FFAR4: variants seen among roughly 807,000 people sequenced by gnomAD.
FFAR4 encodes the protein free fatty acid receptor 4.
FFAR4 carries 19 observed loss-of-function variants against 27.0 expected under a neutral mutation model. The observed-to-expected ratio is 0.70, with a 90% confidence interval of 0.49 to 1.03. The LOEUF (loss-of-function observed/expected upper bound fraction) is 1.03, where lower values mean the gene tolerates loss of function less well. Among genes scored for constraint, FFAR4 ranks in the 50% least tolerant of loss-of-function variants. The pLI is 0.00. For missense variants in FFAR4, 476 were observed against 479.0 expected (o/e 0.99, Z 0.06); for synonymous variants, 254 against 215.6 (o/e 1.18, Z -1.56).
chr10:93,574,935 T>TTTC (rs1440796078), intron 1 of FFAR4, among the ~76,000 whole-genome samples: 1 of 152,152 alleles, frequency 6.6e-6, no homozygotes, highest in Non-Finnish European at 1.5e-5. Context: ...TTCTTTCCAG[T>TTTC]CACCAAAATG....
chr10:93,583,172 G>A (rs1212839015), intron 2 of FFAR4, among the ~76,000 whole-genome samples: 1 of 151,172 alleles, frequency 6.6e-6, no homozygotes, highest in Non-Finnish European at 1.5e-5. Flanking sequence ...GGAGGCCAAG[G>A]CGGGTGGATC....
intron 2 of FFAR4, among the ~76,000 whole-genome samples, chr10:93,584,397 G>C (rs1589679677): frequency 6.6e-6 from 1 of 152,240 alleles, no homozygotes; most frequent in Admixed American, 6.5e-5. Flanking sequence ...TATCAGTGGA[G>C]TGACCTTCAA....
chr10:93,576,060 T>G (rs1307926666), intron 1 of FFAR4, 31 bp from the exon 2 acceptor site: 1 of 1,612,086 alleles, frequency 6.2e-7, no homozygotes, highest in Admixed American at 1.7e-5. Flanking sequence ...AGCCAGCATT[T>G]ACATGATGTT....
At chr10:93,577,383 C>A (rs531232953) in intron 2 of FFAR4, among the ~76,000 whole-genome samples, 21 of 152,294 alleles carry the variant, frequency 1.4e-4, no homozygotes, top group African/African-American at 5.1e-4. Flanking sequence ...GGGTCTGTAA[C>A]CTTCTTAGAC....
intron 2 of FFAR4, among the ~76,000 whole-genome samples, chr10:93,582,887 A>G (rs1172280405): frequency 6.6e-6 from 1 of 152,118 alleles, no homozygotes; most frequent in Admixed American, 6.5e-5. Context: ...GTGGCAGGAG[A>G]GAGAAGAGAG....
intron 2 of FFAR4, 132 bp from the exon 3 acceptor site, chr10:93,587,088 G>GCA: frequency 1.4e-6 from 1 of 733,564 alleles, no homozygotes; most frequent in Non-Finnish European, 2.2e-6. Flanking sequence ...CTAAGCTCGG[G>GCA]CACACAAAGT....
chr10:93,570,788 G>A (rs891836791), intron 1 of FFAR4, among the ~76,000 whole-genome samples: 1 of 152,178 alleles, frequency 6.6e-6, no homozygotes, highest in African/African-American at 2.4e-5. Flanking sequence ...AGAAATGTGA[G>A]ACAACTTGGT....
At chr10:93,586,458 C>T (rs577652083) in intron 2 of FFAR4, among the ~76,000 whole-genome samples, 85 of 152,140 alleles carry the variant, frequency 5.6e-4, no homozygotes, top group South Asian at 2.3e-3. Context: ...AGCATGAGAA[C>T]GGAATAATAT....
At position 93,566,746 on chromosome 10, in the gene FFAR4, C is replaced by T; in HGVS notation, c.26C>T (p.Ala9Val). The change falls in exon 1 of 3, where the codon GCG (alanine) becomes GTG (valine). Residue 9 changes from alanine to valine, a missense_variant. Coordinates refer to ENST00000371481, the MANE Select transcript of FFAR4 (RefSeq NM_001195755.2). Reference protein sequence around the residue: MSPECARAAGDAPLRSLEQ... With the variant: MSPECARAVGDAPLRSLEQ... The stretch of plus-strand genomic sequence containing the variant: ...ATGTCCCCTGAATGCGCGCGGGCAG[C>T]GGGCGACGCGCCCTTGCGCAGCCTG... The T allele has an allele frequency of 6.2e-7, 1 of 1,601,042 alleles. No individual in the cohort carries two copies. The highest frequency in any genetic ancestry group is 8.5e-7 in the Non-Finnish European group (1 of 1,176,630).
chr10:93,583,750 A>G (rs1051338821), intron 2 of FFAR4, among the ~76,000 whole-genome samples: 1 of 152,230 alleles, frequency 6.6e-6, no homozygotes, highest in Non-Finnish European at 1.5e-5. Flanking sequence ...CCTCATCTGT[A>G]AAATGGGGAT....
chr10:93,570,188 TCACACACACA>T (rs76165485), intron 1 of FFAR4, among the ~76,000 whole-genome samples: 3 of 148,768 alleles, frequency 2.0e-5, no homozygotes, highest in Non-Finnish European at 3.0e-5. Flanking sequence ...TCTGTCTCTC[TCACACACACA>T]CACACACACA....
chr10:93,567,018 T>C lies in FFAR4; in HGVS notation c.298T>C (p.Trp100Arg). ...TATCCCTCTGGTGCTGGCCGTGCGC[T>C]GGACTGAGGCCTGGCTGCTGGGCCC... The part of the protein sequence containing the change: ...SAIPLVLAVR[W>R]TEAWLLGPVA... Residue 100 changes from tryptophan to arginine, a missense_variant, in exon 1 of 3, where the codon TGG becomes CGG. Physicochemically the swap from Trp to Arg is moderately radical, Grantham distance 101. Transcript: ENST00000371481. 6.2e-7 allele frequency: 1 copy of C among 1,611,886 alleles called. No individual in the cohort carries two copies. The highest frequency in any genetic ancestry group is 8.5e-7 in the Non-Finnish European group (1 of 1,179,860).
At position 93,567,008 on chromosome 10, in the gene FFAR4, G is replaced by C; in HGVS notation, c.288G>C (p.Leu96=). 1 of 1,611,946 alleles carries C rather than the reference G, an allele frequency of 6.2e-7. No homozygotes were observed. Among genetic ancestry groups the C allele is most frequent in the Non-Finnish European group, 8.5e-7 (1 of 1,179,872 alleles). Residue 96 remains leucine, a synonymous_variant, in exon 1 of 3, where the codon CTG becomes CTC. Coordinates refer to ENST00000371481, the MANE Select transcript of FFAR4 (RefSeq NM_001195755.2). The part of the protein sequence containing the change: ...LLFISAIPLV[L]AVRWTEAWLL... ...TCATCAGCGCTATCCCTCTGGTGCT[G>C]GCCGTGCGCTGGACTGAGGCCTGGC...
At position 93,587,445 on chromosome 10, in the gene FFAR4, G is replaced by A. The variant is rs2058235572; in HGVS notation, c.922G>A (p.Ala308Thr). The A allele has an allele frequency of 6.2e-7, 1 of 1,614,022 alleles. No individual in the cohort carries two copies. Among genetic ancestry groups the A allele is most frequent in the African/African-American group, 1.3e-5 (1 of 74,986 alleles). Residue 308 changes from alanine to threonine, a missense_variant, in exon 3 of 3, where the codon GCC becomes ACC. By Grantham distance (58) the Ala-to-Thr change is moderately conservative (BLOSUM62 0). Transcript: ENST00000371481. The part of the protein sequence containing the change: ...IWPSLFFWVV[A>T]FTFANSALNP... ...GCCGTCCCTCTTCTTCTGGGTGGTG[G>A]CCTTCACATTTGCTAATTCAGCCCT...
Position 93,566,918 on chromosome 10 carries a change from G to T in FFAR4, c.198G>T (p.Ala66=), listed in dbSNP as rs761540650. 7.5e-6 allele frequency: 12 copies of T among 1,608,940 alleles called. No individual in the cohort carries two copies. The highest frequency in any genetic ancestry group is 5.0e-5 in the Admixed American group (3 of 59,626). ...LGNVCALVLV[A]RRRRRGATAC... ...ACGTGTGCGCCCTGGTGCTGGTGGC[G>T]CGCCGACGACGCCGCGGCGCGACTG... The change falls in exon 1 of 3, where the codon GCG becomes GCT. Residue 66 remains alanine (A), a synonymous_variant. Coordinates refer to ENST00000371481, the MANE Select transcript of FFAR4 (RefSeq NM_001195755.2).
intron 2 of FFAR4, among the ~76,000 whole-genome samples, chr10:93,579,958 A>T (rs932459042): frequency 6.6e-6 from 1 of 152,258 alleles, no homozygotes; most frequent in Non-Finnish European, 1.5e-5. Flanking sequence ...TAAAAATCAC[A>T]ATTTTAATCC....
At chr10:93,571,151 G>T (rs1029386871) in intron 1 of FFAR4, among the ~76,000 whole-genome samples, 3 of 152,158 alleles carry the variant, frequency 2.0e-5, no homozygotes, top group African/African-American at 7.2e-5. Flanking sequence ...TCCTAGCAAC[G>T]TTGACATCTC....
At chr10:93,578,659 C>G (rs1244091043) in intron 2 of FFAR4, among the ~76,000 whole-genome samples, 2 of 152,104 alleles carry the variant, frequency 1.3e-5, no homozygotes, top group Non-Finnish European at 2.9e-5. Context: ...ACTGATGGGA[C>G]AGAGAGAGCC....
chr10:93,577,358 T>C (rs1200792642), intron 2 of FFAR4, among the ~76,000 whole-genome samples: 2 of 152,240 alleles, frequency 1.3e-5, no homozygotes, highest in Non-Finnish European at 2.9e-5. Context: ...TTTATGGCCC[T>C]TTCTTTGCAG....
Sources: allele counts gnomAD v4.1 joint callset (sites outside exome capture counted in the v4.1 genomes callset), GRCh38; gene constraint gnomAD v4.1.1; transcripts MANE v1.5; gene names NCBI Gene and HGNC (gene_info 2026-07-23, HGNC 2026-07-21).